Variants in IFNAR2 observed in about 807,000 individuals in gnomAD.
The protein encoded by IFNAR2 is interferon alpha and beta receptor subunit 2.
In IFNAR2, 30 loss-of-function variants were observed where a neutral mutation model predicts 49.4. That is an observed-to-expected ratio of 0.61 (90% confidence interval 0.45 to 0.82). IFNAR2 has a LOEUF of 0.82. Ranked by LOEUF, IFNAR2 falls within the 40% of genes least tolerant of loss-of-function variation. The probability of loss-of-function intolerance (pLI) is 0.00; values close to 1 mark genes in which losing one functional copy is unlikely to be tolerated. For missense variants in IFNAR2, 600 were observed against 622.7 expected, an observed-to-expected ratio of 0.96 and a Z score of 0.39; for synonymous variants, 224 against 234.5, an observed-to-expected ratio of 0.96 and a Z score of 0.41.
intron 2 of IFNAR2, among the ~76,000 whole-genome samples, chr21:33,242,898 C>T (rs1433967036): frequency 1.3e-5 from 2 of 150,642 alleles, no homozygotes; most frequent in Non-Finnish European, 1.5e-5. Context: ...AAGCGATTCT[C>T]CTGCCTTAGC....
intron 1 of IFNAR2, among the ~76,000 whole-genome samples, chr21:33,233,958 A>G (rs1986249368): frequency 6.6e-6 from 1 of 152,134 alleles, no homozygotes; most frequent in Non-Finnish European, 1.5e-5. Flanking sequence ...TGAGAATACC[A>G]ATATTCTCTT....
chr21:33,261,896 A>T (rs1232244227), intron 8 of IFNAR2, among the ~76,000 whole-genome samples: 3 of 152,102 alleles, frequency 2.0e-5, no homozygotes, highest in African/African-American at 7.2e-5. Flanking sequence ...TAAATATCTT[A>T]AAAATATAAA....
At position 33,230,240 on chromosome 21, in the gene IFNAR2, G is replaced by A. The variant is rs1255438960; in HGVS notation, c.-84+24G>A. On this transcript the variant is annotated intron_variant, in intron 1 of 8. Transcript: ENST00000342136. The surrounding 1 kb of genome is among the most constrained non-coding windows in gnomAD (Gnocchi z 5.5). ...AGGTAACGCAGCGTGGCGGGGTCGC[G>A]GGAGCGGAGCGCGTGGCCAGCTGAC... 4.6e-6 allele frequency: 5 copies of A among 1,093,098 alleles called. No individual in the cohort carries two copies. Among genetic ancestry groups the A allele is most frequent in the Non-Finnish European group, 5.6e-6 (5 of 890,974 alleles). 67.7% of individuals were successfully genotyped at this position (1,093,098 alleles called of 1,614,324 possible). A position where few individuals can be genotyped will look rare whatever the true frequency, so the allele number is the denominator to read the frequency against.
chr21:33,242,765 GTGTGTGTGTGTGTGTGTGTGT>G (rs1987064251), intron 2 of IFNAR2, among the ~76,000 whole-genome samples: 1 of 9,094 alleles, frequency 1.1e-4, no homozygotes, highest in African/African-American at 6.4e-4. Flanking sequence ...GTGCGTGTGT[GTGTGTGTGTGTGTGTGTGTGT>G]GTGTGTGTGT....
intron 1 of IFNAR2, among the ~76,000 whole-genome samples, chr21:33,232,602 G>C (rs1273248314): frequency 6.6e-6 from 1 of 151,352 alleles, no homozygotes; most frequent in Non-Finnish European, 1.5e-5. Context: ...AGAAACTATA[G>C]TGAGATTTCT....
chr21:33,236,901 T>C, intron 1 of IFNAR2: 1 of 984,826 alleles, frequency 1.0e-6, no homozygotes, highest in African/African-American at 1.7e-5. Flanking sequence ...ACTGATCTAT[T>C]TGTAGTCAGC....
intron 6 of IFNAR2, among the ~76,000 whole-genome samples, chr21:33,249,542 A>AT (rs1358461988): frequency 6.6e-6 from 1 of 152,048 alleles, no homozygotes; most frequent in Admixed American, 6.6e-5. Context: ...CACAGTAAGG[A>AT]AGTGGCTTAT....
In IFNAR2 at chr21:33,262,954, C is replaced by A. The variant is rs144671590; in HGVS notation, c.1002C>A (p.Gly334=). The A allele has an allele frequency of 6.2e-7, 1 of 1,613,978 alleles. No individual in the cohort carries two copies. Among genetic ancestry groups the A allele is most frequent in the South Asian group, 1.1e-5 (1 of 91,090 alleles). ...SDTEAAPRTS[G]GGYTMHGLTV... ...CTGAGGCAGCGCCCAGGACAAGTGG[C>A]GGTGGCTATACCATGCATGGACTGA... The change falls in exon 9 of 9, where the codon GGC becomes GGA. Residue 334 remains glycine, a synonymous_variant. Coordinates refer to ENST00000342136, the MANE Select transcript of IFNAR2 (RefSeq NM_001289125.3).
chr21:33,246,134 G>A (rs12053666), intron 4 of IFNAR2, among the ~76,000 whole-genome samples: 45,353 of 150,690 alleles, frequency 0.3, 7,310 homozygotes, highest in East Asian at 0.57. Context: ...GCACTGGTAC[G>A]ATCTTGGCTC....
intron 6 of IFNAR2, among the ~76,000 whole-genome samples, chr21:33,251,136 C>G (rs988371711): frequency 1.3e-5 from 2 of 152,046 alleles, no homozygotes; most frequent in African/African-American, 4.8e-5. Context: ...AGAGAGAAAA[C>G]AAGACATCCA....
At chr21:33,252,422 A>G in intron 6 of IFNAR2, 1 of 976,452 alleles carries the variant, frequency 1.0e-6, no homozygotes, top group African/African-American at 1.7e-5. Context: ...TGTAAAATGA[A>G]GGCGCTAGAC....
intron 5 of IFNAR2, among the ~76,000 whole-genome samples, chr21:33,247,822 A>C (rs1177894624): frequency 1.3e-5 from 2 of 152,222 alleles, no homozygotes; most frequent in Non-Finnish European, 2.9e-5. Flanking sequence ...GTTGTAGGCT[A>C]TGCGGGTGTG....
intron 1 of IFNAR2, chr21:33,234,868 T>G: frequency 2.9e-6 from 1 of 347,352 alleles, no homozygotes; most frequent in Non-Finnish European, 4.1e-6. Flanking sequence ...AGTCAAGGAA[T>G]GAAAGGGTGG....
chr21:33,234,884 C>T (rs995738435), intron 1 of IFNAR2: 6 of 230,914 alleles, frequency 2.6e-5, no homozygotes, highest in Admixed American at 1.3e-4. Context: ...GGTGGCTACT[C>T]CATAGGCAGA....
Position 33,252,752 on chromosome 21 carries a change from T to G in IFNAR2, c.631T>G (p.Tyr211Asp). ...AAACACGAACTACTGTGTATCTGTT[T>G]ATTTAGAGCACAGTGATGAGCAAGC... ...IPNTNYCVSV[Y>D]LEHSDEQAVI... Residue 211 changes from tyrosine to aspartate, a missense_variant, in exon 7 of 9, where the codon TAT (tyrosine) becomes GAT (aspartate). Physicochemically the swap from Tyr to Asp is radical, Grantham distance 160. Transcript: ENST00000342136. 6.2e-7 allele frequency: 1 copy of G among 1,613,418 alleles called. No homozygotes were observed.
chr21:33,243,957 ACT>A (rs1290397551), intron 3 of IFNAR2, among the ~76,000 whole-genome samples: 5 of 152,200 alleles, frequency 3.3e-5, no homozygotes, highest in African/African-American at 4.8e-5. Context: ...GAATATTCAA[ACT>A]CTTAATAATC....
At chr21:33,232,950 G>A in intron 1 of IFNAR2, 5 of 983,874 alleles carry the variant, frequency 5.1e-6, no homozygotes, top group African/African-American at 1.7e-5. Context: ...GGAAAGGAAA[G>A]AACAACGTGG....
chr21:33,251,356 G>A (rs905121335), intron 6 of IFNAR2, among the ~76,000 whole-genome samples: 2 of 152,190 alleles, frequency 1.3e-5, no homozygotes, highest in African/African-American at 4.8e-5. Flanking sequence ...ACTGACTATT[G>A]GATTTAGCAA....
chr21:33,245,998 C>A (rs1304102422), intron 4 of IFNAR2, among the ~76,000 whole-genome samples: 4 of 151,874 alleles, frequency 2.6e-5, no homozygotes, highest in Non-Finnish European at 4.4e-5. Flanking sequence ...TCATAATTGT[C>A]CCATAGAGGA....
Sources: allele counts gnomAD v4.1 joint callset (sites outside exome capture counted in the v4.1 genomes callset), GRCh38; gene constraint gnomAD v4.1.1; non-coding constraint Gnocchi (gnomAD v3.1); transcripts MANE v1.5; gene names NCBI Gene and HGNC (gene_info 2026-07-23, HGNC 2026-07-21).